Variants in ABCA9 observed in about 807,000 individuals in gnomAD.
The protein encoded by ABCA9 is ATP binding cassette subfamily A member 9, also known as ATP-binding cassette sub-family A member 9.
Under a neutral mutation model 205.3 loss-of-function variants are expected in ABCA9, and 183 were observed. The observed-to-expected ratio is 0.89, with a 90% CI of 0.79 to 1.01. The LOEUF (loss-of-function observed/expected upper bound fraction) is 1.01, where lower values mean the gene tolerates loss of function less well. Among genes scored for constraint, ABCA9 ranks in the 50% least tolerant of loss-of-function variants. The probability of loss-of-function intolerance (pLI) is 0.00; values close to 1 mark genes in which losing one functional copy is unlikely to be tolerated. For synonymous variants in ABCA9, 651 were observed against 683.3 expected (o/e 0.95, Z 0.74); for missense variants, 1,805 against 1,912.4 (o/e 0.94, Z 1.05).
At chr17:69,025,992 A>T (rs375894992) in intron 16 of ABCA9, among the ~76,000 whole-genome samples, 2 of 152,142 alleles carry the variant, frequency 1.3e-5, no homozygotes, top group African/African-American at 4.8e-5. Context: ...AAGAGAAAAA[A>T]ACCACAAAAG....
Position 68,987,742 on chromosome 17 carries a change from T to TTTG in ABCA9, c.4047+1284_4047+1285insCAA, listed in dbSNP as rs1567916782. On this transcript the variant is annotated intron_variant, in intron 31 of 38. Coordinates refer to ENST00000340001, the MANE Select transcript of ABCA9 (RefSeq NM_080283.4). ...TTGACATGACCTCATTTGCGTTTTTTTTTGTTTGTTTGTTTGTTTGTTTGT... is the reference window on the plus strand; with the variant it reads ...TTGACATGACCTCATTTGCGTTTTTTTTGTTTGTTTGTTTGTTTGTTTGTTTGT... 1.5e-4 allele frequency among the ~76,000 whole-genome samples: 20 copies of TTTG among 135,846 alleles called. 1 individual carries two copies. The highest frequency in any genetic ancestry group is 4.6e-4 in the African/African-American group (17 of 36,888). 89.1% of individuals were successfully genotyped at this position (135,846 alleles called of 152,430 possible).
At chr17:68,993,596 C>T (rs1045221638) in intron 26 of ABCA9, among the ~76,000 whole-genome samples, 1 of 152,178 alleles carries the variant, frequency 6.6e-6, no homozygotes, top group Admixed American at 6.5e-5. Flanking sequence ...CCAACATTCC[C>T]CACTCTTTTG....
rs2070995938 is a variant in ABCA9 at position 69,026,593 on chromosome 17, G to T, written c.2051-126C>A. On this transcript the variant is annotated intron_variant, in intron 15 of 38. Coordinates refer to ENST00000340001, the MANE Select transcript of ABCA9 (RefSeq NM_080283.4). Reference sequence around the variant, plus strand: ...ACTAAAATAGATATACTCTAATTCTGGCCATACGTAAACCACTTTTTTTTG... The same window carrying T: ...ACTAAAATAGATATACTCTAATTCTTGCCATACGTAAACCACTTTTTTTTG... 1.6e-5 allele frequency: 14 copies of T among 875,032 alleles called. No homozygotes were observed. In the South Asian group the frequency reaches 2.2e-4, roughly 14 times the overall value. 54.2% of individuals were successfully genotyped at this position (875,032 alleles called of 1,614,324 possible).
chr17:69,046,816 G>A (rs1260738910), intron 3 of ABCA9, among the ~76,000 whole-genome samples: 3 of 147,062 alleles, frequency 2.0e-5, no homozygotes, highest in Non-Finnish European at 4.5e-5. Context: ...AAGTCTAAAT[G>A]TGAAATTCAT....
intron 25 of ABCA9, 54 bp downstream of exon 25, chr17:69,007,705 T>A: frequency 8.7e-7 from 1 of 1,153,464 alleles, no homozygotes; most frequent in Non-Finnish European, 1.3e-6. Flanking sequence ...AGATTAAACA[T>A]GTTCTTGGAT....
In ABCA9 at chr17:69,043,515, CATT is replaced by C. The variant is rs1375537741; in HGVS notation, c.771_773del (p.Met259del). On this transcript the variant is annotated inframe_deletion, in exon 6 of 39. Coordinates refer to ENST00000340001, the MANE Select transcript of ABCA9 (RefSeq NM_080283.4). Reference sequence around the variant, plus strand: ...AGAATGCTGACTCTCGGAGTCCCATCATTGTCATCAATGACGTAATGTATTGTC... The same window carrying C: ...AGAATGCTGACTCTCGGAGTCCCATCGTCATCAATGACGTAATGTATTGTC... 2.5e-6 allele frequency: 4 copies of C among 1,603,146 alleles called. No homozygotes were observed. Among genetic ancestry groups the C allele is most frequent in the Admixed American group, 3.4e-5 (2 of 58,766 alleles).
At chr17:69,036,324 C>T (rs2071337382) in intron 6 of ABCA9, among the ~76,000 whole-genome samples, 1 of 152,046 alleles carries the variant, frequency 6.6e-6, no homozygotes, top group African/African-American at 2.4e-5. Flanking sequence ...TATTTATGGA[C>T]AACAAAATTT....
chr17:69,075,554 G>C, the ABCA9 span, among the ~76,000 whole-genome samples: 3 of 151,962 alleles, frequency 2.0e-5, no homozygotes, highest in African/African-American at 7.2e-5. Flanking sequence ...ATGGCTATTG[G>C]TGTGTGGCTT....
At chr17:69,000,789 T>C (rs1192863444) in intron 25 of ABCA9, among the ~76,000 whole-genome samples, 1 of 148,804 alleles carries the variant, frequency 6.7e-6, no homozygotes, top group Non-Finnish European at 1.5e-5. Context: ...TGTATCCTCT[T>C]TTATTTCCTT....
intron 7 of ABCA9, 96 bp downstream of exon 7, chr17:69,035,564 G>A (rs2071305306): frequency 6.7e-7 from 1 of 1,492,008 alleles, no homozygotes; most frequent in Non-Finnish European, 9.0e-7. Flanking sequence ...ATACTACAAA[G>A]AGAACAAAAG....
intron 22 of ABCA9, among the ~76,000 whole-genome samples, chr17:69,015,363 C>G (rs8069698): frequency 6.6e-6 from 1 of 152,078 alleles, no homozygotes; most frequent in Non-Finnish European, 1.5e-5. Context: ...TTTCACCAGA[C>G]GAAGTGTGTT....
intron 31 of ABCA9, chr17:68,986,527 G>T: frequency 2.3e-6 from 1 of 440,472 alleles, no homozygotes; most frequent in Non-Finnish European, 3.9e-6. Context: ...ATCCATTGTA[G>T]TGTAGACTTT....
At chr17:69,022,486 G>A (rs1471528520) in intron 17 of ABCA9, 1 of 151,436 alleles carries the variant, frequency 6.6e-6, no homozygotes, top group African/African-American at 2.4e-5. Flanking sequence ...CACCACGCCT[G>A]GCTAATTTTG....
chr17:69,050,972 G>T, intron 2 of ABCA9, 59 bp downstream of exon 2: 1 of 1,476,244 alleles, frequency 6.8e-7, no homozygotes, highest in Non-Finnish European at 9.4e-7. Flanking sequence ...TGTTTATGTT[G>T]CCTGATAAAA....
chr17:68,999,638 A>G (rs926517196), intron 25 of ABCA9, among the ~76,000 whole-genome samples: 11 of 151,768 alleles, frequency 7.2e-5, no homozygotes, highest in African/African-American at 2.4e-4. Flanking sequence ...TTGGGTATAT[A>G]CGCAGTAATG....
chr17:69,037,980 A>C (rs1177072177), intron 6 of ABCA9, among the ~76,000 whole-genome samples: 5 of 152,170 alleles, frequency 3.3e-5, no homozygotes, highest in Non-Finnish European at 4.4e-5. Context: ...GAAATAGATA[A>C]ATTCCTGGAC....
In ABCA9 at chr17:68,983,652, G is replaced by GC; in HGVS notation, c.4640+56dup. ...ATAAAGCTCTTATTCCGTCATCATA[G>GC]CAGAAATATGGAAACAAAAACCAAG... is the stretch of plus-strand genomic sequence containing the variant. On this transcript the variant is annotated intron_variant, in intron 36 of 38. Coordinates refer to ENST00000340001, the MANE Select transcript of ABCA9 (RefSeq NM_080283.4). 3.1e-6 allele frequency: 5 copies of GC among 1,594,954 alleles called. No homozygotes were observed. In the South Asian group the frequency reaches 5.6e-5, roughly 18 times the overall value.
chr17:69,027,433 TG>T lies in ABCA9; in HGVS notation c.1807del (p.Gln603ArgfsTer3). ...TTGAATATTTTCCATTTCTAATTCC[TG>T]TACAACTCGTTGTACCTAATCAAAT... The part of the protein sequence containing the change: ...EVEKEVQRVV[Q>X]ELEMENIQDI... On this transcript the variant is annotated frameshift_variant, in exon 14 of 39. Coordinates refer to ENST00000340001, the MANE Select transcript of ABCA9 (RefSeq NM_080283.4). LOFTEE classifies it high-confidence loss of function. The T allele has an allele frequency of 6.2e-7, 1 of 1,612,318 alleles. No homozygotes were observed.
rs182674253 is a variant in ABCA9 at position 69,047,770 on chromosome 17, G to A, written c.304+1513C>T. 1.2e-4 allele frequency among the ~76,000 whole-genome samples: 18 copies of A among 152,308 alleles called. No homozygotes were observed. In the East Asian group the frequency reaches 3.5e-3, roughly 29 times the overall value. ...AAAACCTGTCACAGTTTGATTAACTGCCTTTGTTCTGTTCTCACTTTCCCC... is the reference window on the plus strand; with the variant it reads ...AAAACCTGTCACAGTTTGATTAACTACCTTTGTTCTGTTCTCACTTTCCCC... On this transcript the variant is annotated intron_variant, in intron 3 of 38. Coordinates refer to ENST00000340001, the MANE Select transcript of ABCA9 (RefSeq NM_080283.4).
Sources: allele counts gnomAD v4.1 joint callset (sites outside exome capture counted in the v4.1 genomes callset), GRCh38; gene constraint gnomAD v4.1.1; transcripts MANE v1.5; gene names NCBI Gene and HGNC (gene_info 2026-07-23, HGNC 2026-07-21).